The following TTC28 variants were observed in gnomAD, a reference collection of about 807,000 sequenced individuals.
TTC28 encodes tetratricopeptide repeat domain 28.
Under a neutral mutation model 198.0 loss-of-function variants are expected in TTC28, and 61 were observed. That is an observed-to-expected ratio of 0.31 (90% CI 0.25 to 0.38). TTC28 has a LOEUF of 0.38. Ranked by LOEUF, TTC28 falls within the 10% of genes least tolerant of loss-of-function variation. TTC28 has a pLI of 1.00. For synonymous variants in TTC28, 1,171 were observed against 1,297.8 expected (o/e 0.90, Z 2.10); for missense variants, 2,678 against 3,164.0 (o/e 0.85, Z 3.69).
intron 3 of TTC28, among the ~76,000 whole-genome samples, chr22:28,302,802 G>A (rs1266931925): frequency 6.6e-6 from 1 of 152,120 alleles, no homozygotes; most frequent in Non-Finnish European, 1.5e-5. Flanking sequence ...AGCCTCCTGA[G>A]TAGCTAGGAT....
chr22:28,515,010 T>C (rs985013568), intron 2 of TTC28, among the ~76,000 whole-genome samples: 1 of 152,238 alleles, frequency 6.6e-6, no homozygotes, highest in Admixed American at 6.5e-5. Context: ...ACACACTTGA[T>C]GGCTCTCGTT....
intron 12 of TTC28, among the ~76,000 whole-genome samples, chr22:28,039,306 G>A (rs1939508594): frequency 6.6e-6 from 1 of 152,126 alleles, no homozygotes; most frequent in Admixed American, 6.6e-5. Flanking sequence ...TTAAGAAAAT[G>A]TGGCACATAT....
At chr22:28,611,115 A>G (rs1228890806) in intron 2 of TTC28, among the ~76,000 whole-genome samples, 1 of 152,228 alleles carries the variant, frequency 6.6e-6, no homozygotes, top group Non-Finnish European at 1.5e-5. Flanking sequence ...CCTGAAAGTG[A>G]TGAGGAAAAT....
intron 5 of TTC28, among the ~76,000 whole-genome samples, chr22:28,225,523 C>A (rs1274800382): frequency 6.6e-6 from 1 of 152,084 alleles, no homozygotes; most frequent in Non-Finnish European, 1.5e-5. Flanking sequence ...AACTTTTCTG[C>A]CACGGACAAA....
At chr22:28,569,755 T>C (rs1323911899) in intron 2 of TTC28, among the ~76,000 whole-genome samples, 1 of 152,084 alleles carries the variant, frequency 6.6e-6, no homozygotes, top group African/African-American at 2.4e-5. Flanking sequence ...AAAGAAACTA[T>C]CAATAGAGTA....
chr22:28,165,022 G>C (rs1440097215), intron 5 of TTC28, among the ~76,000 whole-genome samples: 7 of 152,152 alleles, frequency 4.6e-5, no homozygotes, highest in African/African-American at 1.4e-4. Flanking sequence ...TGAGAACTAC[G>C]TGATGAATGC....
rs555889472 is a variant in TTC28 at position 27,982,736 on chromosome 22, C to T, written c.6931G>A (p.Gly2311Ser). The change falls in exon 23 of 23, where the codon GGC (glycine) becomes AGC (serine). Residue 2311 changes from glycine to serine, a missense_variant. Gly to Ser is a moderately conservative substitution (Grantham distance 56). Around this residue, in one of 8 missense-constraint regions of TTC28, gnomAD observed 622 missense variants for 656.0 expected, o/e 0.95. Coordinates refer to ENST00000397906, the MANE Select transcript of TTC28 (RefSeq NM_001145418.2). This position sits in a 1 kb window ranked among gnomAD's most constrained non-coding sequence, Gnocchi z 5.2. ...KSPRNMSPSS[G>S]HQSPAGSAPS... is the part of the protein sequence containing the mutation. Reference sequence around the variant, plus strand: ...GCACTGCCAGCAGGAGACTGGTGGCCGGAGCTTGGGGACATGTTCCTTGGT... The same window carrying T: ...GCACTGCCAGCAGGAGACTGGTGGCTGGAGCTTGGGGACATGTTCCTTGGT... 4.3e-5 allele frequency: 67 copies of T among 1,551,312 alleles called. No individual in the cohort carries two copies. Among genetic ancestry groups the T allele is most frequent in the Admixed American group, 7.8e-5 (4 of 50,968 alleles).
At chr22:28,524,402 G>A (rs1161280896) in intron 2 of TTC28, among the ~76,000 whole-genome samples, 1 of 150,914 alleles carries the variant, frequency 6.6e-6, no homozygotes. Context: ...GGAGCTTGCA[G>A]TGAGCCGAGA....
At chr22:28,220,874 T>A (rs1038935006) in intron 5 of TTC28, among the ~76,000 whole-genome samples, 1 of 151,746 alleles carries the variant, frequency 6.6e-6, no homozygotes, top group Non-Finnish European at 1.5e-5. Context: ...ATAGGAAAAA[T>A]TTGAAACAAG....
intron 16 of TTC28, among the ~76,000 whole-genome samples, chr22:27,996,598 G>A (rs929458727): frequency 9.2e-5 from 14 of 152,198 alleles, no homozygotes; most frequent in Non-Finnish European, 1.6e-4. Context: ...GGGGGAACAC[G>A]TCAGGGGAGG....
At chr22:28,536,467 AC>A (rs2049281245) in intron 2 of TTC28, among the ~76,000 whole-genome samples, 1 of 151,824 alleles carries the variant, frequency 6.6e-6, no homozygotes, top group Non-Finnish European at 1.5e-5. Flanking sequence ...TACTAAAAAT[AC>A]AAAAAATTAG....
chr22:28,004,580 A>G (rs187959016), intron 14 of TTC28, among the ~76,000 whole-genome samples: 416 of 152,318 alleles, frequency 2.7e-3, no homozygotes, highest in African/African-American at 8.9e-3. Flanking sequence ...ACCCTGGGTG[A>G]AGGTCCCCAA....
chr22:28,333,366 CTT>C (rs2045647341), intron 2 of TTC28, among the ~76,000 whole-genome samples: 1 of 152,080 alleles, frequency 6.6e-6, no homozygotes. Context: ...ATATAAATAA[CTT>C]AGTATACAGA....
At chr22:28,496,825 A>G (rs2146356791) in intron 2 of TTC28, among the ~76,000 whole-genome samples, 1 of 152,224 alleles carries the variant, frequency 6.6e-6, no homozygotes, top group South Asian at 2.1e-4. Context: ...ACATCTTGAC[A>G]ATAGCCTCAT....
chr22:28,433,477 T>C (rs1346522051), intron 2 of TTC28, among the ~76,000 whole-genome samples: 1 of 152,226 alleles, frequency 6.6e-6, no homozygotes, highest in Non-Finnish European at 1.5e-5. Flanking sequence ...CAAAATCAAA[T>C]GCTCCTTAAG....
intron 2 of TTC28, among the ~76,000 whole-genome samples, chr22:28,354,100 A>G (rs2046039727): frequency 6.6e-6 from 1 of 152,230 alleles, no homozygotes; most frequent in Non-Finnish European, 1.5e-5. Flanking sequence ...AAAGTGGTGC[A>G]GCTGCTGTGG....
intron 5 of TTC28, among the ~76,000 whole-genome samples, chr22:28,166,456 C>G (rs543035146): frequency 8.5e-5 from 13 of 152,156 alleles, no homozygotes; most frequent in Middle Eastern, 3.4e-3. Context: ...TAAAAGAACA[C>G]AAATTATAAC....
At chr22:28,396,387 C>T (rs1278962953) in intron 2 of TTC28, among the ~76,000 whole-genome samples, 2 of 152,148 alleles carry the variant, frequency 1.3e-5, no homozygotes, top group Non-Finnish European at 2.9e-5. Context: ...TCATACTGGG[C>T]CACATAGCTC....
chr22:28,481,708 T>C (rs902333024), intron 2 of TTC28, among the ~76,000 whole-genome samples: 1 of 152,160 alleles, frequency 6.6e-6, no homozygotes, highest in African/African-American at 2.4e-5. Flanking sequence ...AATGTTGAGA[T>C]AGGATTTGGA....
Sources: gnomAD v4.1 joint callset for allele counts (sites outside exome capture counted in the v4.1 genomes callset) on GRCh38, gnomAD v4.1.1 for gene constraint, gnomAD v4.1.1 regional missense constraint, Gnocchi (gnomAD v3.1) non-coding constraint, MANE v1.5 for transcripts, NCBI Gene and HGNC (gene_info 2026-07-23, HGNC 2026-07-21) for gene names.